MSH5: variants seen among roughly 807,000 people sequenced by gnomAD.
MSH5 encodes mutS homolog 5.
Under a neutral mutation model 107.7 loss-of-function variants are expected in MSH5, and 78 were observed. The ratio of observed to expected loss-of-function variants is 0.72; its 90% CI spans 0.60 to 0.87. MSH5 has a LOEUF of 0.87. MSH5 is among the 40% of genes least tolerant of loss of function. The pLI is 0.00. For synonymous variants in MSH5, 326 were observed against 399.5 expected, an observed-to-expected ratio of 0.82 and a Z score of 2.19; for missense variants, 889 against 1,046.6, an observed-to-expected ratio of 0.85 and a Z score of 2.08.
In MSH5 at chr6:31,759,762, G is replaced by T; in HGVS notation, c.1496-24G>T. ...CACTTTCCCCTGGAACTGACCTCCA[G>T]CTCCCTTCCTCACCCACTCCCAGAC... On this transcript the variant is annotated intron_variant, in intron 17 of 24. Transcript: ENST00000375750. The surrounding 1 kb of genome is among the most constrained non-coding windows in gnomAD (Gnocchi z 4.7). The T allele has an allele frequency of 6.2e-7, 1 of 1,609,056 alleles. No homozygotes were observed.
rs1310299397 is a variant in MSH5, at chr6:31,758,300, A to C, written c.1143+7A>C. 1 of 1,612,574 alleles carries C rather than the reference A, an allele frequency of 6.2e-7. No individual in the cohort carries two copies. Among genetic ancestry groups the C allele is most frequent in the Non-Finnish European group, 8.5e-7 (1 of 1,179,804 alleles). On this transcript the variant is annotated splice_region_variant and intron_variant, in intron 13 of 24. Transcript: ENST00000375750. The surrounding 1 kb of genome is among the most constrained non-coding windows in gnomAD (Gnocchi z 5.1). ...CAGCCTCATTGGGAAAGTAGTGAGTAGAAGGAAAAAGGGAGTGCACCCAGG... is the reference window on the plus strand; with the variant it reads ...CAGCCTCATTGGGAAAGTAGTGAGTCGAAGGAAAAAGGGAGTGCACCCAGG...
chr6:31,754,350 A>T (rs377401031), intron 12 of MSH5, among the ~76,000 whole-genome samples: 2 of 151,928 alleles, frequency 1.3e-5, no homozygotes, highest in Non-Finnish European at 2.9e-5. Context: ...GGATTTCACC[A>T]TGTTGGCCAG....
At position 31,758,273 on chromosome 6, in the gene MSH5, G is replaced by A. The variant is rs752626267; in HGVS notation, c.1123G>A (p.Ala375Thr). 24 of 1,612,816 alleles carry A rather than the reference G, an allele frequency of 1.5e-5. No homozygotes were observed. Among genetic ancestry groups the A allele is most frequent in the Non-Finnish European group, 1.8e-5 (21 of 1,180,026 alleles). ...QEFSDDLHHI[A>T]SLIGKVVDFE... Reference sequence around the variant, plus strand: ...GTTCTCTGATGACCTGCACCATATCGCCAGCCTCATTGGGAAAGTAGTGAG... The same window carrying A: ...GTTCTCTGATGACCTGCACCATATCACCAGCCTCATTGGGAAAGTAGTGAG... Residue 375 changes from alanine (A) to threonine (T), a missense_variant, in exon 13 of 25, where the codon GCC becomes ACC. Around this residue, in one of 3 missense-constraint regions of MSH5, gnomAD observed 518 missense variants for 565.0 expected, o/e 0.92. Transcript: ENST00000375750. This position sits in a 1 kb window ranked among gnomAD's most constrained non-coding sequence, Gnocchi z 5.1.
At chr6:31,753,225 A>T in intron 10 of MSH5, 76 bp from the exon 11 acceptor site, 1 of 1,530,642 alleles carries the variant, frequency 6.5e-7, no homozygotes, top group South Asian at 1.2e-5. Flanking sequence ...AGGGACTGCA[A>T]GCACACTTTT....
intron 9 of MSH5, 37 bp downstream of exon 9, chr6:31,745,356 A>C (rs567455278): frequency 6.8e-7 from 1 of 1,464,982 alleles, no homozygotes; most frequent in African/African-American, 1.4e-5. Flanking sequence ...CATTACAAAG[A>C]CCTACCAGAA....
At chr6:31,743,274 C>T in intron 5 of MSH5, 104 bp downstream of exon 5, 1 of 1,272,088 alleles carries the variant, frequency 7.9e-7, no homozygotes, top group Non-Finnish European at 1.1e-6. Context: ...CTTATGTCAT[C>T]CTAAACCTTT....
In MSH5 at chr6:31,740,410, G is replaced by A. The variant is rs1376017465; in HGVS notation, c.-13-44G>A. On this transcript the variant is annotated intron_variant, in intron 1 of 24. Coordinates refer to ENST00000375750, the MANE Select transcript of MSH5 (RefSeq NM_172166.4). The surrounding 1 kb of genome is among the most constrained non-coding windows in gnomAD (Gnocchi z 4.4). Reference sequence around the variant, plus strand: ...GCGCCACCCTACCCCGGCCTCCTCTGTGAATCGTTGCTTCCGAACCGCCCT... The same window carrying A: ...GCGCCACCCTACCCCGGCCTCCTCTATGAATCGTTGCTTCCGAACCGCCCT... 2 of 1,537,342 alleles carry A rather than the reference G, an allele frequency of 1.3e-6. No individual in the cohort carries two copies. The highest frequency in any genetic ancestry group is 1.8e-6 in the Non-Finnish European group (2 of 1,141,136).
intron 10 of MSH5, among the ~76,000 whole-genome samples, chr6:31,752,966 G>A (rs1232925153): frequency 6.6e-6 from 1 of 152,200 alleles, no homozygotes; most frequent in East Asian, 1.9e-4. Context: ...CAGCCTCAGA[G>A]TGAGCTGCAG....
chr6:31,748,553 T>C (rs1809673102), intron 10 of MSH5, among the ~76,000 whole-genome samples: 1 of 151,848 alleles, frequency 6.6e-6, no homozygotes, highest in Admixed American at 6.6e-5. Flanking sequence ...TTCACCATGT[T>C]GGTCAGGCTG....
intron 2 of MSH5, 91 bp from the exon 3 acceptor site, chr6:31,741,071 AT>A: frequency 6.7e-7 from 1 of 1,493,076 alleles, no homozygotes; most frequent in Admixed American, 2.0e-5. Flanking sequence ...TATCTCAGAG[AT>A]TTGAGAAAAT....
Position 31,761,389 on chromosome 6 carries a change from C to CGA in MSH5, c.2038-80_2038-79dup. On this transcript the variant is annotated intron_variant, in intron 21 of 24. Coordinates refer to ENST00000375750, the MANE Select transcript of MSH5 (RefSeq NM_172166.4). The surrounding 1 kb of genome is among the most constrained non-coding windows in gnomAD (Gnocchi z 5.3). ...GTGTGGGCAGAAAAGAAATAGAACA[C>CGA]GAGACAGGGAAAGGCAGTGCAAGTG... The CGA allele has an allele frequency of 6.2e-7, 1 of 1,603,948 alleles. No individual in the cohort carries two copies. Among genetic ancestry groups the CGA allele is most frequent in the Non-Finnish European group, 8.5e-7 (1 of 1,174,092 alleles).
chr6:31,760,632 T>C lies in MSH5; in HGVS notation c.1813-58T>C. 6.2e-7 allele frequency: 1 copy of C among 1,607,306 alleles called. No homozygotes were observed. Among genetic ancestry groups the C allele is most frequent in the South Asian group, 1.1e-5 (1 of 90,942 alleles). ...TGATGTGCCATTCATGCCTTGAGCC[T>C]CACTTTCACCTCAGCCCACGGCACC... On this transcript the variant is annotated intron_variant, in intron 19 of 24. Coordinates refer to ENST00000375750, the MANE Select transcript of MSH5 (RefSeq NM_172166.4). The surrounding 1 kb of genome is among the most constrained non-coding windows in gnomAD (Gnocchi z 5.6).
Position 31,757,941 on chromosome 6 carries a change from A to G in MSH5, c.1015-224A>G, listed in dbSNP as rs369908882. On this transcript the variant is annotated intron_variant, in intron 12 of 24. Transcript: ENST00000375750. ...CACCTCAGCCTCCCAAAGTGCTGGG[A>G]TTACAGGCATGAGCCACTGTGCCTG... The G allele has an allele frequency of 2.5e-5, 15 of 592,744 alleles. 1 individual carries two copies. In the South Asian group the frequency reaches 3.1e-4, roughly 12 times the overall value. 36.7% of individuals were successfully genotyped at this position (592,744 alleles called of 1,614,324 possible).
In MSH5 at chr6:31,760,923, GCC is replaced by G; in HGVS notation, c.1962+86_1962+87del. On this transcript the variant is annotated intron_variant, in intron 20 of 24. Coordinates refer to ENST00000375750, the MANE Select transcript of MSH5 (RefSeq NM_172166.4). The surrounding 1 kb of genome is among the most constrained non-coding windows in gnomAD (Gnocchi z 5.6). ...GAAAATGCTCATAACAGGAAAGCAT[GCC>G]CTCTGCTGCATGCCCTTTATACTAA... 1 of 1,451,822 alleles carries G rather than the reference GCC, an allele frequency of 6.9e-7. No individual in the cohort carries two copies. The highest frequency in any genetic ancestry group is 2.1e-5 in the Admixed American group (1 of 47,282). The allele number at this position is 1,451,822 out of a possible 1,614,324, so 89.9% of individuals were successfully genotyped here. A position where few individuals can be genotyped will look rare whatever the true frequency, so the allele number is the denominator to read the frequency against.
Position 31,758,278 on chromosome 6 carries a change from C to T in MSH5, c.1128C>T (p.Ser376=). 6.2e-7 allele frequency: 1 copy of T among 1,612,906 alleles called. No homozygotes were observed. Among genetic ancestry groups the T allele is most frequent in the East Asian group, 2.2e-5 (1 of 44,880 alleles). ...CTGATGACCTGCACCATATCGCCAGCCTCATTGGGAAAGTAGTGAGTAGAA... is the reference window on the plus strand; with the variant it reads ...CTGATGACCTGCACCATATCGCCAGTCTCATTGGGAAAGTAGTGAGTAGAA... ...EFSDDLHHIA[S]LIGKVVDFEG... The change falls in exon 13 of 25, where the codon AGC becomes AGT. Residue 376 remains serine (S), a synonymous_variant. Coordinates refer to ENST00000375750, the MANE Select transcript of MSH5 (RefSeq NM_172166.4). The surrounding 1 kb of genome is among the most constrained non-coding windows in gnomAD (Gnocchi z 5.1).
rs1241437304 is a variant in MSH5, at chr6:31,759,296, G to T, written c.1407+119G>T. ...GATCTCTCCTCTGTAGTTTTACTCT[G>T]AGCTTTACCAGCACTGAGACAAAGG... On this transcript the variant is annotated intron_variant, in intron 16 of 24. Coordinates refer to ENST00000375750, the MANE Select transcript of MSH5 (RefSeq NM_172166.4). The surrounding 1 kb of genome is among the most constrained non-coding windows in gnomAD (Gnocchi z 4.7). The T allele has an allele frequency of 2.5e-5, 35 of 1,387,240 alleles. No homozygotes were observed. Among genetic ancestry groups the T allele is most frequent in the Non-Finnish European group, 3.3e-5 (32 of 976,854 alleles). 85.9% of individuals were successfully genotyped at this position (1,387,240 alleles called of 1,614,324 possible).
intron 10 of MSH5, among the ~76,000 whole-genome samples, chr6:31,752,802 G>C (rs1267785506): frequency 6.6e-6 from 1 of 151,500 alleles, no homozygotes; most frequent in Non-Finnish European, 1.5e-5. Flanking sequence ...CTGCAGTGTT[G>C]ACCATTATTA....
At position 31,740,070 on chromosome 6, in the gene MSH5, A is replaced by T. The variant is rs1198231815; in HGVS notation, c.-14+8A>T. On this transcript the variant is annotated splice_region_variant and intron_variant, in intron 1 of 24. Transcript: ENST00000375750. This position sits in a 1 kb window ranked among gnomAD's most constrained non-coding sequence, Gnocchi z 4.4. ...CCACCTGTAGCGACTCAGGTTACTGAAAAGGCGGGAAAACGCTGCGATGGC... is the reference window on the plus strand; with the variant it reads ...CCACCTGTAGCGACTCAGGTTACTGTAAAGGCGGGAAAACGCTGCGATGGC... 1.8e-5 allele frequency: 3 copies of T among 164,422 alleles called. No homozygotes were observed. The Admixed American group carries it at 1.9e-4, about 11-fold the overall frequency. 10.2% of individuals were successfully genotyped at this position (164,422 alleles called of 1,614,324 possible).
At position 31,753,385 on chromosome 6, in the gene MSH5, T is replaced by C. The variant is rs1172831525; in HGVS notation, c.897T>C (p.Asn299=). The C allele has an allele frequency of 1.2e-6, 2 of 1,614,058 alleles. No homozygotes were observed. The highest frequency in any genetic ancestry group is 3.3e-5 in the Admixed American group (2 of 60,000). ...TTCAGTTTTTTCTGCTGCCCCAGAATCTGGACATGGCTCAGATGCTGCATC... is the reference window on the plus strand; with the variant it reads ...TTCAGTTTTTTCTGCTGCCCCAGAACCTGGACATGGCTCAGATGCTGCATC... ...DVIQFFLLPQ[N]LDMAQMLHRL... The change falls in exon 11 of 25, where the codon AAT becomes AAC. Residue 299 remains asparagine (N), a synonymous_variant. Coordinates refer to ENST00000375750, the MANE Select transcript of MSH5 (RefSeq NM_172166.4).
Sources: allele counts gnomAD v4.1 joint callset (sites outside exome capture counted in the v4.1 genomes callset), GRCh38; gene constraint gnomAD v4.1.1; regional missense constraint gnomAD v4.1.1; non-coding constraint Gnocchi (gnomAD v3.1); transcripts MANE v1.5; gene names NCBI Gene and HGNC (gene_info 2026-07-23, HGNC 2026-07-21).